Variants in CDC42BPB observed in about 807,000 individuals in gnomAD.
The protein encoded by CDC42BPB is serine/threonine-protein kinase MRCK beta.
CDC42BPB carries 37 observed loss-of-function variants against 214.9 expected under a neutral mutation model. That is an observed-to-expected ratio of 0.17 (90% CI 0.13 to 0.23). CDC42BPB has a LOEUF of 0.23. Ranked by LOEUF, CDC42BPB falls within the 10% of genes least tolerant of loss-of-function variation. The pLI is 1.00. For synonymous variants in CDC42BPB, 931 were observed against 884.0 expected (o/e 1.05, Z -0.94); for missense variants, 1,694 against 2,227.0 (o/e 0.76, Z 4.82).
At chr14:103,007,006 A>T (rs1885864746) in intron 3 of CDC42BPB, among the ~76,000 whole-genome samples, 1 of 152,208 alleles carries the variant, frequency 6.6e-6, no homozygotes, top group East Asian at 1.9e-4. Flanking sequence ...GGGCGGGGAA[A>T]GGGCTGCTGG....
intron 1 of CDC42BPB, among the ~76,000 whole-genome samples, chr14:103,029,858 CAAA>C (rs11299296): frequency 0.084 from 5,227 of 62,326 alleles, 136 homozygotes; most frequent in African/African-American, 0.23. Flanking sequence ...ACTCCATCTC[CAAA>C]AAAAAAAAAA....
chr14:103,014,059 G>A (rs943705495), intron 1 of CDC42BPB, among the ~76,000 whole-genome samples: 10 of 152,028 alleles, frequency 6.6e-5, no homozygotes, highest in African/African-American at 1.4e-4. Context: ...CCAGTTACTC[G>A]CGAGGCTGAG....
chr14:103,048,998 G>A (rs1009598952), intron 1 of CDC42BPB, among the ~76,000 whole-genome samples: 1 of 152,128 alleles, frequency 6.6e-6, no homozygotes, highest in Non-Finnish European at 1.5e-5. Context: ...TGTGAAGACA[G>A]TTACCTAACA....
chr14:102,940,001 C>T (rs928663657), intron 32 of CDC42BPB, 45 bp downstream of exon 32: 1 of 1,613,820 alleles, frequency 6.2e-7, no homozygotes, highest in East Asian at 2.2e-5. Context: ...ACACACGCCC[C>T]TCCAACTTCC....
intron 26 of CDC42BPB, among the ~76,000 whole-genome samples, chr14:102,948,938 C>T (rs1261160583): frequency 6.6e-6 from 1 of 152,002 alleles, no homozygotes; most frequent in African/African-American, 2.4e-5. Flanking sequence ...AGTATGCTGC[C>T]AGGTGATGCC....
Position 102,986,494 on chromosome 14 carries a change from T to C in CDC42BPB, c.683A>G (p.Asp228Gly), listed in dbSNP as rs1894252552. 6 of 1,612,330 alleles carry C rather than the reference T, an allele frequency of 3.7e-6. No homozygotes were observed. Among genetic ancestry groups the C allele is most frequent in the Non-Finnish European group, 5.1e-6 (6 of 1,178,644 alleles). The change falls in exon 6 of 37, where the codon GAT becomes GGT. Residue 228 changes from aspartate to glycine, a missense_variant. Physicochemically the swap from Asp to Gly is moderately conservative, Grantham distance 94. This residue lies in a region of CDC42BPB where 225 missense variants were observed against 459.3 expected (regional missense o/e 0.49). Coordinates refer to ENST00000361246, the MANE Select transcript of CDC42BPB (RefSeq NM_006035.4). The stretch of plus-strand genomic sequence containing the variant: ...TCCAACAAAAATACCTACAGTGCCA[T>C]CATCATTCATCTTCAAACATGATCC... Reference protein sequence around the residue: ...DFGSCLKMNDDGTVQSSVAVG... With the variant: ...DFGSCLKMNDGGTVQSSVAVG...
chr14:103,021,009 C>T (rs2139671690), intron 1 of CDC42BPB, among the ~76,000 whole-genome samples: 1 of 152,340 alleles, frequency 6.6e-6, no homozygotes, highest in South Asian at 2.1e-4. Flanking sequence ...CCCACAAGCC[C>T]TCTTAACCCC....
intron 1 of CDC42BPB, among the ~76,000 whole-genome samples, chr14:103,046,820 G>A (rs978023567): frequency 5.3e-5 from 8 of 151,708 alleles, no homozygotes; most frequent in African/African-American, 1.5e-4. Flanking sequence ...TGCCCGGCTA[G>A]TTTTTGTATT....
chr14:103,053,569 G>T (rs1190220), intron 1 of CDC42BPB, among the ~76,000 whole-genome samples: 38,487 of 151,262 alleles, frequency 0.25, 5,161 homozygotes, highest in Middle Eastern at 0.36. Context: ...AGACCATCCT[G>T]GCTAACACGG....
At chr14:103,022,772 C>T (rs1344276784) in intron 1 of CDC42BPB, among the ~76,000 whole-genome samples, 1 of 152,124 alleles carries the variant, frequency 6.6e-6, no homozygotes, top group Non-Finnish European at 1.5e-5. Context: ...AAAATAAACG[C>T]CCCAAGCTTC....
intron 1 of CDC42BPB, among the ~76,000 whole-genome samples, chr14:103,019,262 C>T (rs188268128): frequency 6.6e-6 from 1 of 152,292 alleles, no homozygotes; most frequent in East Asian, 1.9e-4. Context: ...GCCCTAGAGA[C>T]ACGGCCGCCC....
chr14:102,985,753 A>C (rs1351371188), intron 6 of CDC42BPB, among the ~76,000 whole-genome samples: 1 of 152,218 alleles, frequency 6.6e-6, no homozygotes, highest in African/African-American at 2.4e-5. Flanking sequence ...GGTTTCAAAA[A>C]AGAAAAGACT....
In CDC42BPB at chr14:102,944,197, T is replaced by A. The variant is rs1437416700; in HGVS notation, c.4102A>T (p.Asn1368Tyr). ...ACGCTGCCGGGAGCCACAATCTCAT[T>A]GAACTTTCTGTGGAATGGCTTCGTT... is the stretch of plus-strand genomic sequence containing the variant. ...QRTKPFHRKF[N>Y]EIVAPGSVQC... is the part of the protein sequence containing the mutation. Residue 1368 changes from asparagine (N) to tyrosine (Y), a missense_variant, in exon 30 of 37, where the codon AAT becomes TAT. Coordinates refer to ENST00000361246, the MANE Select transcript of CDC42BPB (RefSeq NM_006035.4). The surrounding 1 kb of genome is among the most constrained non-coding windows in gnomAD (Gnocchi z 6.6). The A allele has an allele frequency of 6.2e-7, 1 of 1,613,290 alleles. No homozygotes were observed. Among genetic ancestry groups the A allele is most frequent in the Non-Finnish European group, 8.5e-7 (1 of 1,180,014 alleles).
intron 1 of CDC42BPB, among the ~76,000 whole-genome samples, chr14:103,053,244 A>G (rs1196553094): frequency 6.6e-6 from 1 of 152,008 alleles, no homozygotes; most frequent in Non-Finnish European, 1.5e-5. Flanking sequence ...GCTACTCGGG[A>G]GACTGAGGCA....
In CDC42BPB at chr14:102,964,669, C is replaced by T. The variant is rs369701480; in HGVS notation, c.2578-19G>A. 34 of 1,581,044 alleles carry T rather than the reference C, an allele frequency of 2.2e-5. No homozygotes were observed. Among genetic ancestry groups the T allele is most frequent in the Non-Finnish European group, 2.8e-5 (32 of 1,162,586 alleles). On this transcript the variant is annotated intron_variant, in intron 18 of 36. Coordinates refer to ENST00000361246, the MANE Select transcript of CDC42BPB (RefSeq NM_006035.4). ...GCGGGTCCTTGAGACACGGTCATGG[C>T]GTTAAAAATGCATTTTCAGTTATCC...
Position 102,976,265 on chromosome 14 carries a change from C to T in CDC42BPB, c.1221-216G>A, listed in dbSNP as rs999492800. ...CCTCCCCATCGCTGGTCAAAGAAAG[C>T]GCCTCTGCAAAGGAGGGGAAATGGC... On this transcript the variant is annotated intron_variant, in intron 9 of 36. Transcript: ENST00000361246. 5 of 944,520 alleles carry T rather than the reference C, an allele frequency of 5.3e-6. No homozygotes were observed. The African/African-American group carries it at 5.3e-5, about 10-fold the overall frequency. The allele number at this position is 944,520 out of a possible 1,614,324, so 58.5% of individuals were successfully genotyped here. A position where few individuals can be genotyped will look rare whatever the true frequency, so the allele number is the denominator to read the frequency against.
chr14:102,938,424 A>G lies in CDC42BPB; in HGVS notation c.4828-13T>C. 1 of 1,525,752 alleles carries G rather than the reference A, an allele frequency of 6.6e-7. No individual in the cohort carries two copies. The highest frequency in any genetic ancestry group is 8.8e-7 in the Non-Finnish European group (1 of 1,141,878). 94.5% of individuals were successfully genotyped at this position (1,525,752 alleles called of 1,614,324 possible). A position where few individuals can be genotyped will look rare whatever the true frequency, so the allele number is the denominator to read the frequency against. On this transcript the variant is annotated splice_polypyrimidine_tract_variant and intron_variant, in intron 34 of 36. Coordinates refer to ENST00000361246, the MANE Select transcript of CDC42BPB (RefSeq NM_006035.4). ...GGGGCACAGCACTCTGGGCAGAAATAGCAACACGTGAGCATGCTTGGTTGA... is the reference window on the plus strand; with the variant it reads ...GGGGCACAGCACTCTGGGCAGAAATGGCAACACGTGAGCATGCTTGGTTGA...
chr14:102,966,555 T>C, intron 17 of CDC42BPB, 168 bp from the exon 18 acceptor site: 1 of 981,746 alleles, frequency 1.0e-6, no homozygotes, highest in Non-Finnish European at 1.2e-6. Flanking sequence ...GATGGATGCG[T>C]CGTTACATTG....
chr14:103,038,896 A>T (rs1435761346), intron 1 of CDC42BPB, among the ~76,000 whole-genome samples: 1 of 151,952 alleles, frequency 6.6e-6, no homozygotes, highest in Non-Finnish European at 1.5e-5. Flanking sequence ...ATTGACCAAG[A>T]AAAAAAACAG....
Sources: gnomAD v4.1 joint callset for allele counts (sites outside exome capture counted in the v4.1 genomes callset) on GRCh38, gnomAD v4.1.1 for gene constraint, gnomAD v4.1.1 regional missense constraint, Gnocchi (gnomAD v3.1) non-coding constraint, MANE v1.5 for transcripts, NCBI Gene and HGNC (gene_info 2026-07-23, HGNC 2026-07-21) for gene names.